The following EIF2AK1 variants were observed in gnomAD, a reference collection of about 807,000 sequenced individuals.
The protein encoded by EIF2AK1 is eukaryotic translation initiation factor 2-alpha kinase 1.
A neutral mutation model predicts 77.9 loss-of-function variants in EIF2AK1; 54 were observed. The observed-to-expected ratio is 0.69, with a 90% CI of 0.56 to 0.87. The LOEUF is 0.87. EIF2AK1 is among the 40% of genes least tolerant of loss of function. The probability of loss-of-function intolerance (pLI) is 0.00; values close to 1 mark genes in which losing one functional copy is unlikely to be tolerated. For synonymous variants in EIF2AK1, 314 were observed against 290.5 expected (o/e 1.08, Z -0.82); for missense variants, 810 against 768.6 (o/e 1.05, Z -0.64).
At chr7:6,045,085 C>A (rs1403762501) in intron 6 of EIF2AK1, among the ~76,000 whole-genome samples, 1 of 151,978 alleles carries the variant, frequency 6.6e-6, no homozygotes, top group African/African-American at 2.4e-5. Context: ...TACAAGGCAT[C>A]TACACTATGT....
chr7:6,052,738 C>A (rs1191509942), intron 2 of EIF2AK1, among the ~76,000 whole-genome samples: 3 of 150,516 alleles, frequency 2.0e-5, no homozygotes, highest in African/African-American at 7.3e-5. Flanking sequence ...AAGGCCGAGG[C>A]GGGTGGATCA....
In EIF2AK1 at chr7:6,056,598, G is replaced by GAA. The variant is rs1181376161; in HGVS notation, c.119-1896_119-1895dup. On this transcript the variant is annotated intron_variant, in intron 1 of 14. Coordinates refer to ENST00000199389, the MANE Select transcript of EIF2AK1 (RefSeq NM_014413.4). The stretch of plus-strand genomic sequence containing the variant: ...AACAGAGGGAGACTCCATCTCAAGG[G>GAA]AAAAAAAAAAAAAAAATATATATAT... 5.0e-3 allele frequency among the ~76,000 whole-genome samples: 244 copies of GAA among 48,808 alleles called. 19 individuals carry two copies. The highest frequency in any genetic ancestry group is 0.012 in the South Asian group (15 of 1,252). The allele number at this position is 48,808 out of a possible 152,430, so 32.0% of individuals were successfully genotyped here. A position where few individuals can be genotyped will look rare whatever the true frequency, so the allele number is the denominator to read the frequency against.
chr7:6,053,510 G>T lies in EIF2AK1; in HGVS notation c.277+1036C>A, dbSNP rs112594588. Reference sequence around the variant, plus strand: ...CCAAATTACAGCTGGGATTACAGGTGCCCGCCACCATGCCCAGCTAATTTT... The same window carrying T: ...CCAAATTACAGCTGGGATTACAGGTTCCCGCCACCATGCCCAGCTAATTTT... On this transcript the variant is annotated intron_variant, in intron 2 of 14. Transcript: ENST00000199389. Among the ~76,000 whole-genome samples the T allele has an allele frequency of 1.4e-3, 219 of 151,044 alleles. 1 individual carries two copies. The highest frequency in any genetic ancestry group is 4.1e-3 in the African/African-American group (170 of 41,130).
In EIF2AK1 at chr7:6,026,746, A is replaced by G. The variant is rs771834836; in HGVS notation, c.1746T>C (p.Leu582=). The G allele has an allele frequency of 8.7e-6, 14 of 1,614,024 alleles. No homozygotes were observed. Among genetic ancestry groups the G allele is most frequent in the South Asian group, 3.3e-5 (3 of 91,088 alleles). ...CACATACATTTCCAGAATTTTGGAAAAGTTCACTCTGCAGCAGCTGAATGG... is the reference window on the plus strand; with the variant it reads ...CACATACATTTCCAGAATTTTGGAAGAGTTCACTCTGCAGCAGCTGAATGG... ...PSAIQLLQSE[L]FQNSGNVNLT... The change falls in exon 14 of 15, where the codon CTT becomes CTC. Residue 582 remains leucine, a synonymous_variant. Coordinates refer to ENST00000199389, the MANE Select transcript of EIF2AK1 (RefSeq NM_014413.4).
chr7:6,052,492 C>T (rs1176174958), intron 2 of EIF2AK1, among the ~76,000 whole-genome samples: 3 of 144,234 alleles, frequency 2.1e-5, no homozygotes, highest in Non-Finnish European at 4.5e-5. Flanking sequence ...CATGTCCCAT[C>T]AAGTTTATCA....
At chr7:6,042,072 C>T (rs150614317) in intron 8 of EIF2AK1, among the ~76,000 whole-genome samples, 2,423 of 152,080 alleles carry the variant, frequency 0.016, 28 homozygotes, top group Non-Finnish European at 0.023. Flanking sequence ...TTGCCTGAGT[C>T]CAGGAGTTGG....
rs1302746669 is a variant in EIF2AK1, at chr7:6,054,446, C to T, written c.277+100G>A. ...CTCGATCTCCGGACCTCGGGTGATC[C>T]GCCCACCTCAGCCTCCCAAAGTGCT... On this transcript the variant is annotated intron_variant, in intron 2 of 14. Transcript: ENST00000199389. 1.1e-5 allele frequency: 15 copies of T among 1,336,444 alleles called. No homozygotes were observed. The South Asian group carries it at 1.2e-4, about 11-fold the overall frequency. The allele number at this position is 1,336,444 out of a possible 1,614,324, so 82.8% of individuals were successfully genotyped here.
At chr7:6,041,705 G>C (rs747534533) in intron 8 of EIF2AK1, among the ~76,000 whole-genome samples, 5 of 152,120 alleles carry the variant, frequency 3.3e-5, no homozygotes, top group Admixed American at 1.3e-4. Context: ...GCCGGGTGTG[G>C]TGGCATGCGC....
intron 14 of EIF2AK1, among the ~76,000 whole-genome samples, chr7:6,026,014 G>C (rs1787735369): frequency 6.6e-6 from 1 of 151,778 alleles, no homozygotes. Flanking sequence ...CATGTACAGA[G>C]ACCATGTCCA....
rs1287306405 is a variant in EIF2AK1 at position 6,023,377 on chromosome 7, T to C, written c.*1296A>G. ...AGGCGAAGGGAACATTGCACGTTTCTTGTTCTCTCTGTTTGGCCAGAAGCA... is the reference window on the plus strand; with the variant it reads ...AGGCGAAGGGAACATTGCACGTTTCCTGTTCTCTCTGTTTGGCCAGAAGCA... On this transcript the variant is annotated 3_prime_UTR_variant, in exon 15 of 15. Transcript: ENST00000199389. 1 of 1,614,170 alleles carries C rather than the reference T, an allele frequency of 6.2e-7. No homozygotes were observed. Among genetic ancestry groups the C allele is most frequent in the Non-Finnish European group, 8.5e-7 (1 of 1,180,012 alleles).
intron 10 of EIF2AK1, among the ~76,000 whole-genome samples, chr7:6,037,773 C>T (rs1788148196): frequency 6.6e-6 from 1 of 151,652 alleles, no homozygotes; most frequent in Non-Finnish European, 1.5e-5. Context: ...AACAAAGTAC[C>T]TCTAACTTCA....
chr7:6,043,071 C>T (rs1788342571), intron 7 of EIF2AK1, 78 bp from the exon 8 acceptor site: 1 of 1,347,892 alleles, frequency 7.4e-7, no homozygotes, highest in African/African-American at 1.4e-5. Context: ...TTAAAATATA[C>T]AAATAGTGTC....
chr7:6,027,715 C>A lies in EIF2AK1; in HGVS notation c.1531-754G>T, dbSNP rs959179850. ...GAGAAGAAAGGCTGAAAACAGGCTT[C>A]CATGAATTCTAGCTTCCTGAGGTGA... On this transcript the variant is annotated intron_variant, in intron 13 of 14. Coordinates refer to ENST00000199389, the MANE Select transcript of EIF2AK1 (RefSeq NM_014413.4). This position sits in a 1 kb window ranked among gnomAD's most constrained non-coding sequence, Gnocchi z 4.5. 2.6e-5 allele frequency among the ~76,000 whole-genome samples: 4 copies of A among 151,886 alleles called. No homozygotes were observed. Among genetic ancestry groups the A allele is most frequent in the Non-Finnish European group, 2.9e-5 (2 of 67,978 alleles).
At chr7:6,049,877 T>C (rs1788555343) in intron 3 of EIF2AK1, 35 bp downstream of exon 3, 1 of 1,566,486 alleles carries the variant, frequency 6.4e-7, no homozygotes, top group East Asian at 2.3e-5. Flanking sequence ...AAAGTATATT[T>C]TTGTCATACC....
intron 8 of EIF2AK1, among the ~76,000 whole-genome samples, chr7:6,041,492 T>C (rs577133096): frequency 1.3e-5 from 2 of 150,814 alleles, no homozygotes; most frequent in East Asian, 3.9e-4. Context: ...TGAGCTGAGA[T>C]CATGCCACTG....
chr7:6,041,937 C>T (rs1562751430), intron 8 of EIF2AK1, among the ~76,000 whole-genome samples: 2 of 148,960 alleles, frequency 1.3e-5, no homozygotes. Flanking sequence ...TTGCTTGAGC[C>T]CAGGAGTTCA....
At position 6,051,269 on chromosome 7, in the gene EIF2AK1, CTTTCTTTTTTTTTTT is replaced by C. The variant is rs1056828324; in HGVS notation, c.278-1239_278-1225del. Among the ~76,000 whole-genome samples the C allele has an allele frequency of 3.4e-5, 5 of 145,718 alleles. No homozygotes were observed. The Admixed American group carries it at 3.5e-4, about 10-fold the overall frequency. Reference sequence around the variant, plus strand: ...GATACCAATGAGGACATTTTTTTTTCTTTCTTTTTTTTTTTTTTTTGAGACAGACTCTCACTCTGT... The same window carrying C: ...GATACCAATGAGGACATTTTTTTTTCTTTTTGAGACAGACTCTCACTCTGT... On this transcript the variant is annotated intron_variant, in intron 2 of 14. Transcript: ENST00000199389.
intron 1 of EIF2AK1, among the ~76,000 whole-genome samples, chr7:6,056,001 A>C (rs1253663891): frequency 6.8e-6 from 1 of 146,718 alleles, no homozygotes; most frequent in Admixed American, 6.9e-5. Flanking sequence ...AAAAAAAAAA[A>C]AAAAAAACTA....
intron 6 of EIF2AK1, 106 bp from the exon 7 acceptor site, chr7:6,044,767 T>C (rs914401090): frequency 3.4e-6 from 3 of 888,790 alleles, no homozygotes; most frequent in South Asian, 1.5e-5. Context: ...TGACTTACAA[T>C]GGTATGAAGA....
Sources: allele counts gnomAD v4.1 joint callset (sites outside exome capture counted in the v4.1 genomes callset), GRCh38; gene constraint gnomAD v4.1.1; non-coding constraint Gnocchi (gnomAD v3.1); transcripts MANE v1.5; gene names NCBI Gene and HGNC (gene_info 2026-07-23, HGNC 2026-07-21).